The following RABGAP1L variants were observed in gnomAD, a reference collection of about 807,000 sequenced individuals.
The protein encoded by RABGAP1L is rab GTPase-activating protein 1-like.
A neutral mutation model predicts 137.7 loss-of-function variants in RABGAP1L; 63 were observed. The observed-to-expected ratio is 0.46, with a 90% CI of 0.37 to 0.56. The LOEUF (loss-of-function observed/expected upper bound fraction) is 0.56, where lower values mean the gene tolerates loss of function less well. RABGAP1L is among the 20% of genes least tolerant of loss of function. The probability of loss-of-function intolerance (pLI) is 0.00; values close to 1 mark genes in which losing one functional copy is unlikely to be tolerated. For synonymous variants in RABGAP1L, 431 were observed against 433.7 expected (o/e 0.99, Z 0.08); for missense variants, 1,095 against 1,244.0 (o/e 0.88, Z 1.80).
At chr1:174,581,678 G>T (rs930879746) in intron 13 of RABGAP1L, among the ~76,000 whole-genome samples, 2 of 152,026 alleles carry the variant, frequency 1.3e-5, no homozygotes, top group East Asian at 3.8e-4. Context: ...CGCTTTAAAC[G>T]GGTAAATTTT....
intron 13 of RABGAP1L, among the ~76,000 whole-genome samples, chr1:174,446,202 C>G (rs764564171): frequency 6.6e-6 from 1 of 152,204 alleles, no homozygotes; most frequent in Non-Finnish European, 1.5e-5. Flanking sequence ...ACTTCTGAAT[C>G]AAGCAGCCCA....
chr1:174,759,760 A>G (rs1436387614), intron 18 of RABGAP1L, among the ~76,000 whole-genome samples: 1 of 152,176 alleles, frequency 6.6e-6, no homozygotes. Flanking sequence ...GAGAAGCAAG[A>G]TACAGAAGGG....
At chr1:174,974,090 G>A (rs189666075) in intron 21 of RABGAP1L, among the ~76,000 whole-genome samples, 3 of 142,920 alleles carry the variant, frequency 2.1e-5, no homozygotes, top group African/African-American at 5.1e-5. Context: ...CTGGTTTCAC[G>A]CCATTCTCCT....
intron 11 of RABGAP1L, among the ~76,000 whole-genome samples, chr1:174,338,184 C>G (rs1681647884): frequency 6.6e-6 from 1 of 152,076 alleles, no homozygotes; most frequent in South Asian, 2.1e-4. Context: ...AATTTTCTCC[C>G]CTGTGATTTG....
At chr1:174,303,725 G>C (rs1054473509) in intron 10 of RABGAP1L, among the ~76,000 whole-genome samples, 1 of 152,042 alleles carries the variant, frequency 6.6e-6, no homozygotes, top group Admixed American at 6.6e-5. Flanking sequence ...TTCTATATGA[G>C]ATCAAAGTAG....
chr1:174,427,315 T>C (rs944623635), intron 13 of RABGAP1L, among the ~76,000 whole-genome samples: 3 of 152,136 alleles, frequency 2.0e-5, no homozygotes, highest in African/African-American at 7.2e-5. Context: ...TAATCAAATT[T>C]TCTTTTTTTG....
At chr1:174,732,236 T>C (rs893771869) in intron 17 of RABGAP1L, among the ~76,000 whole-genome samples, 1 of 150,876 alleles carries the variant, frequency 6.6e-6, no homozygotes, top group Non-Finnish European at 1.5e-5. Context: ...GACTTGAAAG[T>C]AACTCTACAG....
intron 1 of RABGAP1L, among the ~76,000 whole-genome samples, chr1:174,181,407 G>T (rs929526307): frequency 1.9e-4 from 28 of 148,978 alleles, no homozygotes; most frequent in African/African-American, 6.7e-4. Flanking sequence ...GCGTGATCTC[G>T]GCCCACTGCA....
At chr1:174,377,659 A>G (rs1416968366) in intron 12 of RABGAP1L, among the ~76,000 whole-genome samples, 1 of 152,190 alleles carries the variant, frequency 6.6e-6, no homozygotes. Context: ...GTGAGATACC[A>G]CTTCATACCC....
At chr1:174,711,533 G>A (rs72715281) in intron 17 of RABGAP1L, among the ~76,000 whole-genome samples, 2 of 152,142 alleles carry the variant, frequency 1.3e-5, no homozygotes, top group African/African-American at 2.4e-5. Context: ...GAGGTGCTTC[G>A]CACCCGGGCC....
chr1:174,599,883 G>A (rs1415471553), intron 13 of RABGAP1L, among the ~76,000 whole-genome samples: 2 of 152,066 alleles, frequency 1.3e-5, no homozygotes, highest in Non-Finnish European at 2.9e-5. Flanking sequence ...GGTTTGGAAT[G>A]TTTTCTGTTA....
At chr1:174,509,474 G>A (rs1338163387) in intron 13 of RABGAP1L, among the ~76,000 whole-genome samples, 1 of 151,838 alleles carries the variant, frequency 6.6e-6, no homozygotes, top group Non-Finnish European at 1.5e-5. Context: ...GAGATTGCTG[G>A]ATTTTTTTTA....
intron 19 of RABGAP1L, among the ~76,000 whole-genome samples, chr1:174,909,983 CA>C (rs34452180): frequency 6.6e-6 from 1 of 152,076 alleles, no homozygotes; most frequent in Non-Finnish European, 1.5e-5. Flanking sequence ...ACTAAAAATA[CA>C]AAATATTAGC....
chr1:174,377,521 G>A (rs1440915573), intron 12 of RABGAP1L, among the ~76,000 whole-genome samples: 8 of 152,108 alleles, frequency 5.3e-5, no homozygotes, highest in Non-Finnish European at 1.0e-4. Flanking sequence ...GCATAGAAAA[G>A]AGAGTTCAGA....
intron 4 of RABGAP1L, among the ~76,000 whole-genome samples, chr1:174,239,351 T>C (rs1203206714): frequency 6.6e-6 from 1 of 152,212 alleles, no homozygotes; most frequent in Non-Finnish European, 1.5e-5. Flanking sequence ...TCTGTCTTCA[T>C]TCACTACATT....
At chr1:174,190,177 C>T (rs1479890068) in intron 1 of RABGAP1L, among the ~76,000 whole-genome samples, 2 of 151,954 alleles carry the variant, frequency 1.3e-5, no homozygotes, top group African/African-American at 4.8e-5. Flanking sequence ...GTGGCGTGCA[C>T]CTGTAGTCCC....
chr1:174,399,592 T>C (rs1254878127), intron 13 of RABGAP1L, among the ~76,000 whole-genome samples: 4 of 150,726 alleles, frequency 2.7e-5, no homozygotes, highest in African/African-American at 2.4e-5. Flanking sequence ...TTTATATTTG[T>C]CTGTTCTCAC....
intron 13 of RABGAP1L, among the ~76,000 whole-genome samples, chr1:174,530,884 G>T (rs992967733): frequency 6.6e-6 from 1 of 151,868 alleles, no homozygotes; most frequent in African/African-American, 2.4e-5. Context: ...TCAGCTTGTG[G>T]AATTTTTTTT....
At chr1:174,626,987 T>C (rs1257594924) in intron 13 of RABGAP1L, among the ~76,000 whole-genome samples, 1 of 152,214 alleles carries the variant, frequency 6.6e-6, no homozygotes, top group African/African-American at 2.4e-5. Flanking sequence ...GAATTATTTA[T>C]CTGCCTACTG....
Sources: allele counts gnomAD v4.1 joint callset (sites outside exome capture counted in the v4.1 genomes callset), GRCh38; gene constraint gnomAD v4.1.1; transcripts MANE v1.5; gene names NCBI Gene and HGNC (gene_info 2026-07-23, HGNC 2026-07-21).